KCNB2: variants seen among roughly 807,000 people sequenced by gnomAD.
The protein encoded by KCNB2 is delayed rectifier potassium channel protein.
In KCNB2, 15 loss-of-function variants were observed where a neutral mutation model predicts 61.5. That is an observed-to-expected ratio of 0.24 (90% CI 0.16 to 0.38). KCNB2 has a LOEUF of 0.38. KCNB2 is among the 10% of genes least tolerant of loss of function. KCNB2 has a pLI of 1.00. For missense variants in KCNB2, 828 were observed against 1,125.2 expected (o/e 0.74, Z 3.78); for synonymous variants, 457 against 446.0 (o/e 1.02, Z -0.31).
At chr8:72,585,165 T>G (rs575197244) in intron 2 of KCNB2, among the ~76,000 whole-genome samples, 30 of 150,330 alleles carry the variant, frequency 2.0e-4, no homozygotes, top group African/African-American at 6.4e-4. Context: ...AAATAAGGGG[T>G]TTTTTTTTGT....
At chr8:72,551,953 C>T (rs1806351280) in intron 1 of KCNB2, among the ~76,000 whole-genome samples, 1 of 152,094 alleles carries the variant, frequency 6.6e-6, no homozygotes, top group Admixed American at 6.6e-5. Context: ...TAAAATGGAA[C>T]CGGGAGCCCA....
chr8:72,930,159 A>C (rs1175948310), intron 2 of KCNB2, among the ~76,000 whole-genome samples: 1 of 151,882 alleles, frequency 6.6e-6, no homozygotes, highest in African/African-American at 2.4e-5. Flanking sequence ...ATAGTATTCC[A>C]TGGTGTATAT....
chr8:72,923,389 G>C (rs1227479474), intron 2 of KCNB2, among the ~76,000 whole-genome samples: 4 of 152,080 alleles, frequency 2.6e-5, no homozygotes, highest in African/African-American at 9.7e-5. Flanking sequence ...TATGTTTTGG[G>C]ATAAAATACT....
At chr8:72,539,250 G>A (rs559694567) in intron 1 of KCNB2, among the ~76,000 whole-genome samples, 2 of 152,230 alleles carry the variant, frequency 1.3e-5, no homozygotes, top group Admixed American at 1.3e-4. Context: ...CGTTTGAGGT[G>A]GTGTTTTTAA....
intron 2 of KCNB2, among the ~76,000 whole-genome samples, chr8:72,760,362 C>A (rs1253338814): frequency 6.6e-6 from 1 of 152,188 alleles, no homozygotes; most frequent in African/African-American, 2.4e-5. Flanking sequence ...ATAAATATTT[C>A]TCTTTCCCAT....
At chr8:72,716,995 C>A (rs1460975026) in intron 2 of KCNB2, among the ~76,000 whole-genome samples, 1 of 151,822 alleles carries the variant, frequency 6.6e-6, no homozygotes, top group Non-Finnish European at 1.5e-5. Context: ...GTACAAAAAT[C>A]ACAAGCATTC....
intron 2 of KCNB2, among the ~76,000 whole-genome samples, chr8:72,753,641 A>G (rs938797923): frequency 1.3e-5 from 2 of 152,192 alleles, no homozygotes; most frequent in African/African-American, 4.8e-5. Flanking sequence ...TAAGTTTGAG[A>G]AAGCAGGCTC....
chr8:72,816,425 C>A (rs1478607350), intron 2 of KCNB2, among the ~76,000 whole-genome samples: 1 of 152,106 alleles, frequency 6.6e-6, no homozygotes, highest in African/African-American at 2.4e-5. Flanking sequence ...GCATGCTGAA[C>A]AAAACAAAAT....
rs1563424693 is a variant in KCNB2 at position 72,920,477 on chromosome 8, A to ATCTATCTATC, written c.580-15457_580-15456insCTATCTATCT. Among the ~76,000 whole-genome samples the ATCTATCTATC allele has an allele frequency of 3.7e-4, 14 of 37,704 alleles. 1 individual carries two copies. Among genetic ancestry groups the ATCTATCTATC allele is most frequent in the African/African-American group, 1.1e-3 (13 of 11,704 alleles). The allele number at this position is 37,704 out of a possible 152,430, so 24.7% of individuals were successfully genotyped here. ...TCTATCTATCTATCTATCTATCTAT[A>ATCTATCTATC]TATATATATATTAGCTGGCCATGGT... On this transcript the variant is annotated intron_variant, in intron 2 of 2. Transcript: ENST00000523207.
At chr8:72,641,161 G>T (rs1174944565) in intron 2 of KCNB2, among the ~76,000 whole-genome samples, 1 of 152,012 alleles carries the variant, frequency 6.6e-6, no homozygotes, top group Non-Finnish European at 1.5e-5. Flanking sequence ...AATTTTACTG[G>T]ATGGAAAATC....
intron 2 of KCNB2, among the ~76,000 whole-genome samples, chr8:72,641,010 T>C (rs1362169002): frequency 6.6e-6 from 1 of 152,048 alleles, no homozygotes; most frequent in South Asian, 2.1e-4. Flanking sequence ...AGGAGGTATG[T>C]GTGTAGGGGG....
chr8:72,782,475 T>C (rs1047153630), intron 2 of KCNB2, among the ~76,000 whole-genome samples: 1 of 152,120 alleles, frequency 6.6e-6, no homozygotes, highest in Non-Finnish European at 1.5e-5. Flanking sequence ...TTTGGCCTCT[T>C]GAACTTGGTG....
intron 2 of KCNB2, among the ~76,000 whole-genome samples, chr8:72,863,998 T>G (rs1005553584): frequency 2.6e-5 from 4 of 152,026 alleles, no homozygotes; most frequent in Non-Finnish European, 5.9e-5. Context: ...AGAAACTGTC[T>G]CCAAAGAAAA....
chr8:72,715,165 T>C (rs562402612), intron 2 of KCNB2, among the ~76,000 whole-genome samples: 10 of 152,250 alleles, frequency 6.6e-5, no homozygotes, highest in African/African-American at 2.4e-4. Context: ...GTAAAGCAAG[T>C]CCTTAGTGAC....
At chr8:72,792,825 A>G (rs1210555054) in intron 2 of KCNB2, among the ~76,000 whole-genome samples, 1 of 152,206 alleles carries the variant, frequency 6.6e-6, no homozygotes, top group Non-Finnish European at 1.5e-5. Context: ...CTTTTATATA[A>G]TGTCAGCCAT....
intron 2 of KCNB2, among the ~76,000 whole-genome samples, chr8:72,725,591 G>GTATGTATGTATA (rs1807631795): frequency 1.2e-4 from 6 of 51,930 alleles, no homozygotes; most frequent in African/African-American, 3.9e-4. Context: ...ATATATGTAT[G>GTATGTATGTATA]TATATATATA....
intron 2 of KCNB2, chr8:72,750,745 T>G (rs1364540500): frequency 6.6e-6 from 1 of 152,170 alleles, no homozygotes; most frequent in Non-Finnish European, 1.5e-5. Flanking sequence ...ATCAACAGTT[T>G]TTGTTTTTTA....
chr8:72,809,834 C>A (rs1434425342), intron 2 of KCNB2, among the ~76,000 whole-genome samples: 1 of 152,086 alleles, frequency 6.6e-6, no homozygotes, highest in Admixed American at 6.6e-5. Context: ...TTGCTTAATG[C>A]CTTTTGCAAA....
intron 2 of KCNB2, among the ~76,000 whole-genome samples, chr8:72,778,732 GC>G (rs1808699943): frequency 7.8e-4 from 1 of 1,284 alleles, no homozygotes; most frequent in African/African-American, 3.5e-3. Context: ...CACAGAGCGA[GC>G]AAAAAAAAAA....
Sources: allele counts gnomAD v4.1 joint callset (sites outside exome capture counted in the v4.1 genomes callset), GRCh38; gene constraint gnomAD v4.1.1; transcripts MANE v1.5; gene names NCBI Gene and HGNC (gene_info 2026-07-23, HGNC 2026-07-21).